IGDCC4: variants seen among roughly 807,000 people sequenced by gnomAD.
IGDCC4 encodes the protein immunoglobulin superfamily DCC subclass member 4, also known as likely ortholog of mouse neighbor of Punc E11.
IGDCC4 carries 72 observed loss-of-function variants against 116.6 expected under a neutral mutation model. That is an observed-to-expected ratio of 0.62 (90% CI 0.51 to 0.75). IGDCC4 has a LOEUF of 0.75. IGDCC4 is among the 30% of genes least tolerant of loss of function. IGDCC4 has a pLI of 0.00. For synonymous variants in IGDCC4, 709 were observed against 719.9 expected (o/e 0.98, Z 0.24); for missense variants, 1,501 against 1,662.4 (o/e 0.90, Z 1.69).
chr15:65,393,303 C>T lies in IGDCC4; in HGVS notation c.1885+58G>A. On this transcript the variant is annotated intron_variant, in intron 10 of 19. Coordinates refer to ENST00000352385, the MANE Select transcript of IGDCC4 (RefSeq NM_020962.3). This position sits in a 1 kb window ranked among gnomAD's most constrained non-coding sequence, Gnocchi z 4.6. ...GGGGTGGGGCGCTGGGTCCCAAGGA[C>T]ACACGCACACCCACACAGTCACACA... 1 of 1,503,092 alleles carries T rather than the reference C, an allele frequency of 6.7e-7. No individual in the cohort carries two copies. The highest frequency in any genetic ancestry group is 8.9e-7 in the Non-Finnish European group (1 of 1,120,118). 93.1% of individuals were successfully genotyped at this position (1,503,092 alleles called of 1,614,324 possible).
Position 65,385,117 on chromosome 15 carries a change from T to C in IGDCC4, c.3181-2A>G. On this transcript the variant is annotated splice_acceptor_variant, in intron 18 of 19. Coordinates refer to ENST00000352385, the MANE Select transcript of IGDCC4 (RefSeq NM_020962.3). LOFTEE classifies it high-confidence loss of function. ...CCCGCTTGGTTGAGCCCAGGAGATCTGCACGGGGGAAAGAAGGGGACAGTA... is the reference window on the plus strand; with the variant it reads ...CCCGCTTGGTTGAGCCCAGGAGATCCGCACGGGGGAAAGAAGGGGACAGTA... The C allele has an allele frequency of 6.3e-7, 1 of 1,586,180 alleles. No individual in the cohort carries two copies. Among genetic ancestry groups the C allele is most frequent in the South Asian group, 1.1e-5 (1 of 89,770 alleles).
At chr15:65,406,899 C>T (rs2063045759) in intron 3 of IGDCC4, among the ~76,000 whole-genome samples, 1 of 152,142 alleles carries the variant, frequency 6.6e-6, no homozygotes, top group South Asian at 2.1e-4. Flanking sequence ...CTGAAACCCA[C>T]TGGTGTGCTG....
chr15:65,395,468 C>A (rs1397400992), intron 7 of IGDCC4, among the ~76,000 whole-genome samples: 2 of 151,636 alleles, frequency 1.3e-5, no homozygotes, highest in East Asian at 3.9e-4. Context: ...CTGGAAATGA[C>A]CCCCCTCTCC....
rs561490549 is a variant in IGDCC4, at chr15:65,402,019, G to C, written c.700+332C>G. ...CAGGAGAGAAAGGGGCAGGGAGCAG[G>C]GCTTCCGGGCACTGACACCGCCTCA... On this transcript the variant is annotated intron_variant, in intron 4 of 19. Transcript: ENST00000352385. Among the ~76,000 whole-genome samples the C allele has an allele frequency of 2.6e-5, 4 of 152,240 alleles. No homozygotes were observed. In the South Asian group the frequency reaches 8.3e-4, roughly 32 times the overall value.
intron 3 of IGDCC4, among the ~76,000 whole-genome samples, chr15:65,408,602 G>C (rs1414407251): frequency 6.6e-6 from 1 of 152,156 alleles, no homozygotes; most frequent in African/African-American, 2.4e-5. Flanking sequence ...ACTCCAGGAG[G>C]GAGATTTACA....
chr15:65,394,384 G>A, intron 9 of IGDCC4, 27 bp downstream of exon 9: 2 of 1,611,864 alleles, frequency 1.2e-6, no homozygotes, highest in Non-Finnish European at 1.7e-6. Context: ...TCCCATACAT[G>A]CCTGCAGCCC....
chr15:65,392,408 C>A, intron 10 of IGDCC4, 38 bp from the exon 11 acceptor site: 1 of 1,429,626 alleles, frequency 7.0e-7, no homozygotes, highest in Non-Finnish European at 9.4e-7. Flanking sequence ...AATTAAGGAA[C>A]AGAATGCAGA....
intron 3 of IGDCC4, among the ~76,000 whole-genome samples, chr15:65,406,661 T>C (rs1427520358): frequency 2.6e-5 from 4 of 152,198 alleles, no homozygotes. Context: ...TGTGTAAAAA[T>C]ACATACCTTG....
At chr15:65,414,888 TGCCTTGGCTCTGGAAGATCAC>T (rs1442349533) in intron 1 of IGDCC4, among the ~76,000 whole-genome samples, 7 of 152,242 alleles carry the variant, frequency 4.6e-5, no homozygotes, top group Middle Eastern at 3.2e-3. Context: ...GTGATCTGCC[TGCCTTGGCTCTGGAAGATCAC>T]GCCTTGGCTC....
At position 65,400,891 on chromosome 15, in the gene IGDCC4, G is replaced by A. The variant is rs572988090; in HGVS notation, c.756C>T (p.Asn252=). The change falls in exon 5 of 20, where the codon AAC becomes AAT. Residue 252 remains asparagine (N), a synonymous_variant. Transcript: ENST00000352385. ...CACTCTGGCCAGACACCACTGTGGT[G>A]TTCTCTGGGGCTGCCACAATGACCA... is the stretch of plus-strand genomic sequence containing the variant. ...QDVVIVAAPE[N]TTVVSGQSVV... 9.3e-6 allele frequency: 15 copies of A among 1,614,114 alleles called. No individual in the cohort carries two copies. The highest frequency in any genetic ancestry group is 1.3e-5 in the Non-Finnish European group (15 of 1,180,026).
chr15:65,400,648 C>T (rs895978180), intron 5 of IGDCC4, among the ~76,000 whole-genome samples, 158 bp downstream of exon 5: 4 of 152,164 alleles, frequency 2.6e-5, no homozygotes, highest in Non-Finnish European at 5.9e-5. Context: ...GCAGCTCCGA[C>T]CTTGACCACC....
intron 18 of IGDCC4, 36 bp downstream of exon 18, chr15:65,385,795 T>C (rs759445959): frequency 9.1e-6 from 14 of 1,535,630 alleles, no homozygotes; most frequent in Non-Finnish European, 9.9e-6. Flanking sequence ...TGGTGTCCTA[T>C]TTAGAAAAGA....
intron 18 of IGDCC4, 65 bp from the exon 19 acceptor site, chr15:65,385,180 G>A (rs995613865): frequency 2.0e-6 from 3 of 1,487,590 alleles, no homozygotes; most frequent in African/African-American, 1.4e-5. Flanking sequence ...AGGGAAGCCC[G>A]GGGGAGGGAA....
chr15:65,417,293 G>A (rs527456880), intron 1 of IGDCC4, among the ~76,000 whole-genome samples: 1 of 152,154 alleles, frequency 6.6e-6, no homozygotes, highest in South Asian at 2.1e-4. Context: ...CAGTTGCCTG[G>A]GACACAAGGA....
intron 12 of IGDCC4, among the ~76,000 whole-genome samples, chr15:65,391,649 G>C (rs752225790): frequency 1.3e-5 from 2 of 152,186 alleles, no homozygotes; most frequent in Non-Finnish European, 2.9e-5. Context: ...ACTATTCATG[G>C]GTAATGCAAA....
At chr15:65,389,202 T>A (rs998818364) in intron 14 of IGDCC4, 82 bp downstream of exon 14, 1 of 1,568,520 alleles carries the variant, frequency 6.4e-7, no homozygotes, top group African/African-American at 1.4e-5. Context: ...ACCTTGGGGT[T>A]CTGAAGTATG....
At position 65,384,847 on chromosome 15, in the gene IGDCC4, C is replaced by T; in HGVS notation, c.3342+107G>A. 7.1e-7 allele frequency: 1 copy of T among 1,411,616 alleles called. No individual in the cohort carries two copies. Among genetic ancestry groups the T allele is most frequent in the Non-Finnish European group, 9.5e-7 (1 of 1,052,434 alleles). The allele number at this position is 1,411,616 out of a possible 1,614,324, so 87.4% of individuals were successfully genotyped here. On this transcript the variant is annotated intron_variant, in intron 19 of 19. Transcript: ENST00000352385. This position sits in a 1 kb window ranked among gnomAD's most constrained non-coding sequence, Gnocchi z 4.9. ...AGGGGTCTCCTGGCTAGACTTCTAT[C>T]CCCAGGAAAGTTACCACCCAGGGGT...
rs1462077919 is a variant in IGDCC4, at chr15:65,381,975, A to G, written c.*2034T>C. 1 of 152,596 alleles carries G rather than the reference A, an allele frequency of 6.6e-6. No homozygotes were observed. The highest frequency in any genetic ancestry group is 1.5e-5 in the Non-Finnish European group (1 of 68,036). 9.5% of individuals were successfully genotyped at this position (152,596 alleles called of 1,614,324 possible). The stretch of plus-strand genomic sequence containing the variant: ...AAATTGTCTCATTTGCAGCTATTTA[A>G]TTTAAACCAGAACCTCAGTGCCTGT... On this transcript the variant is annotated 3_prime_UTR_variant, in exon 20 of 20. Transcript: ENST00000352385.
At position 65,411,125 on chromosome 15, in the gene IGDCC4, C is replaced by T; in HGVS notation, c.316G>A (p.Glu106Lys). ...ACCCCCACAGCCTCAGGGACTGACT[C>T]GTCACTGCCATTGGGTGCTAGTGGC... ...SQPLAPNGSDESVPEAVGVIE... is the reference protein window; with the variant it reads ...SQPLAPNGSDKSVPEAVGVIE... The change falls in exon 2 of 20, where the codon GAG becomes AAG. Residue 106 changes from glutamate (E) to lysine (K), a missense_variant. Physicochemically the swap from Glu to Lys is moderately conservative, Grantham distance 56. This residue lies in a region of IGDCC4 where 898 missense variants were observed against 978.9 expected (regional missense o/e 0.92). Coordinates refer to ENST00000352385, the MANE Select transcript of IGDCC4 (RefSeq NM_020962.3). The T allele has an allele frequency of 1.9e-6, 3 of 1,614,220 alleles. No homozygotes were observed. Among genetic ancestry groups the T allele is most frequent in the South Asian group, 1.1e-5 (1 of 91,076 alleles).
Sources: gnomAD v4.1 joint callset for allele counts (sites outside exome capture counted in the v4.1 genomes callset) on GRCh38, gnomAD v4.1.1 for gene constraint, gnomAD v4.1.1 regional missense constraint, Gnocchi (gnomAD v3.1) non-coding constraint, MANE v1.5 for transcripts, NCBI Gene and HGNC (gene_info 2026-07-23, HGNC 2026-07-21) for gene names.